Variants in SYT14 observed in about 807,000 individuals in gnomAD.
The protein encoded by SYT14 is synaptotagmin 14, also known as synaptotagmin-14.
In SYT14, 32 loss-of-function variants were observed where a neutral mutation model predicts 74.2. The ratio of observed to expected loss-of-function variants is 0.43; its 90% CI spans 0.33 to 0.58. SYT14 has a LOEUF of 0.58. Among genes scored for constraint, SYT14 ranks in the 20% least tolerant of loss-of-function variants. SYT14 has a pLI of 0.05. For missense variants in SYT14, 791 were observed against 981.8 expected, an observed-to-expected ratio of 0.81 and a Z score of 2.60; for synonymous variants, 298 against 337.7, an observed-to-expected ratio of 0.88 and a Z score of 1.29.
At position 210,163,496 on chromosome 1, in the gene SYT14, T is replaced by C. The variant is rs1278974534; in HGVS notation, c.*2454T>C. The C allele has an allele frequency of 6.6e-6, 3 of 453,758 alleles. No homozygotes were observed. In the Admixed American group the frequency reaches 7.1e-5, roughly 11 times the overall value. The allele number at this position is 453,758 out of a possible 1,614,324, so 28.1% of individuals were successfully genotyped here. A position where few individuals can be genotyped will look rare whatever the true frequency, so the allele number is the denominator to read the frequency against. On this transcript the variant is annotated 3_prime_UTR_variant, in exon 10 of 10. Transcript: ENST00000637265. Reference sequence around the variant, plus strand: ...CCATTACACATACAACATAAATATGTATATGTATATTCATTTGTAAAGGCA... The same window carrying C: ...CCATTACACATACAACATAAATATGCATATGTATATTCATTTGTAAAGGCA...
At chr1:210,100,227 G>A (rs750124127) in exon 7 of SYT14, 12 of 1,613,920 alleles carry the variant, frequency 7.4e-6, no homozygotes, top group Non-Finnish European at 8.5e-6. Flanking sequence ...TAAAGAAACA[G>A]AGAGCAAAAA....
intron 5 of SYT14, among the ~76,000 whole-genome samples, chr1:210,072,633 A>G (rs1031509698): frequency 3.3e-5 from 5 of 152,040 alleles, no homozygotes; most frequent in Admixed American, 2.0e-4. Context: ...ACTGATACAA[A>G]TATAGTATTT....
chr1:210,171,296 A>ACTTT (rs1558239301), exon 10 of SYT14: 1 of 152,214 alleles, frequency 6.6e-6, no homozygotes, highest in African/African-American at 2.4e-5. Context: ...GAAAGAAATT[A>ACTTT]AAGTTGCTGC....
At chr1:209,946,123 G>C (rs747185642) in intron 1 of SYT14, among the ~76,000 whole-genome samples, 11 of 152,164 alleles carry the variant, frequency 7.2e-5, no homozygotes, top group Non-Finnish European at 1.5e-4. Context: ...TGTGTGTTCT[G>C]ATTGTTCCAC....
chr1:210,109,709 A>T (rs1272058854), intron 7 of SYT14, among the ~76,000 whole-genome samples: 1 of 152,192 alleles, frequency 6.6e-6, no homozygotes, highest in Admixed American at 6.5e-5. Context: ...AGACAGTGTG[A>T]TGATTCCTCA....
chr1:209,989,675 G>C (rs529781205), intron 2 of SYT14, among the ~76,000 whole-genome samples: 1 of 152,160 alleles, frequency 6.6e-6, no homozygotes, highest in African/African-American at 2.4e-5. Flanking sequence ...TTACGTAGAA[G>C]TTAAATATAT....
At chr1:210,034,851 A>G (rs2080623979) in intron 5 of SYT14, among the ~76,000 whole-genome samples, 1 of 151,858 alleles carries the variant, frequency 6.6e-6, no homozygotes, top group Admixed American at 6.6e-5. Flanking sequence ...TGTGTAAACC[A>G]CATTTTCTTT....
intron 7 of SYT14, among the ~76,000 whole-genome samples, chr1:210,149,946 G>A (rs923257628): frequency 6.6e-6 from 1 of 152,186 alleles, no homozygotes; most frequent in Non-Finnish European, 1.5e-5. Context: ...TGTAGTTGAC[G>A]TCTGTTTTTT....
At chr1:210,108,552 G>A (rs2082200405) in intron 7 of SYT14, among the ~76,000 whole-genome samples, 1 of 152,068 alleles carries the variant, frequency 6.6e-6, no homozygotes, top group South Asian at 2.1e-4. Context: ...TATTTGGAAA[G>A]TGAGGGTTTA....
chr1:209,938,478 C>T (rs972015027), intron 1 of SYT14, among the ~76,000 whole-genome samples: 3 of 151,834 alleles, frequency 2.0e-5, no homozygotes, highest in African/African-American at 7.2e-5. Flanking sequence ...CCGACTGGCT[C>T]GCTCGCCCCG....
intron 2 of SYT14, among the ~76,000 whole-genome samples, chr1:210,001,836 T>G (rs2079906105): frequency 6.6e-6 from 1 of 152,112 alleles, no homozygotes; most frequent in Non-Finnish European, 1.5e-5. Context: ...AAAAACAACC[T>G]GGCTAATATG....
intron 2 of SYT14, among the ~76,000 whole-genome samples, chr1:209,962,078 A>G (rs1326842238): frequency 6.6e-6 from 1 of 152,082 alleles, no homozygotes; most frequent in Admixed American, 6.5e-5. Flanking sequence ...GAGAAATTCT[A>G]AAAATTATGT....
In SYT14 at chr1:210,038,023, T is replaced by C. The variant is rs551713609; in HGVS notation, c.1312+16769T>C. On this transcript the variant is annotated intron_variant, in intron 5 of 9. Transcript: ENST00000637265. ...TTTTCTCTCTCGATGATCTGTCTCATGCTATCAGTGGGATGTTGCAGTCCC... is the reference window on the plus strand; with the variant it reads ...TTTTCTCTCTCGATGATCTGTCTCACGCTATCAGTGGGATGTTGCAGTCCC... 2.6e-5 allele frequency among the ~76,000 whole-genome samples: 4 copies of C among 152,134 alleles called. No individual in the cohort carries two copies. The East Asian group carries it at 7.7e-4, about 29-fold the overall frequency.
At chr1:209,942,737 C>T (rs553089356) in intron 1 of SYT14, among the ~76,000 whole-genome samples, 7 of 152,140 alleles carry the variant, frequency 4.6e-5, no homozygotes, top group Admixed American at 2.6e-4. Flanking sequence ...TTCCTTCATC[C>T]GGTCCACATT....
chr1:210,000,677 C>T (rs1448576299), intron 2 of SYT14, among the ~76,000 whole-genome samples: 2 of 136,272 alleles, frequency 1.5e-5, no homozygotes, highest in African/African-American at 3.0e-5. Context: ...TGCAGTGGTG[C>T]GATCTCGGCT....
chr1:210,109,088 T>A (rs1292579124), intron 7 of SYT14, among the ~76,000 whole-genome samples: 3 of 151,232 alleles, frequency 2.0e-5, no homozygotes, highest in Non-Finnish European at 4.4e-5. Flanking sequence ...GAAGGTTGAA[T>A]CCAGAATCAA....
At chr1:210,066,296 C>T (rs558249213) in intron 5 of SYT14, among the ~76,000 whole-genome samples, 153 of 151,940 alleles carry the variant, frequency 1.0e-3, no homozygotes, top group African/African-American at 3.2e-3. Context: ...CCTGAGGAAT[C>T]GCCACACTGA....
chr1:210,003,753 C>A (rs757897656), intron 2 of SYT14, among the ~76,000 whole-genome samples: 20 of 152,092 alleles, frequency 1.3e-4, no homozygotes, highest in Non-Finnish European at 2.5e-4. Flanking sequence ...TCTCTTTAAG[C>A]CATTGCATTA....
chr1:209,956,160 T>C (rs1558091233), intron 2 of SYT14, among the ~76,000 whole-genome samples: 1 of 152,166 alleles, frequency 6.6e-6, no homozygotes, highest in East Asian at 1.9e-4. Flanking sequence ...CTTCCCGCTA[T>C]ATTGAAGTAT....
Sources: gnomAD v4.1 joint callset for allele counts (sites outside exome capture counted in the v4.1 genomes callset) on GRCh38, gnomAD v4.1.1 for gene constraint, MANE v1.5 for transcripts, NCBI Gene and HGNC (gene_info 2026-07-23, HGNC 2026-07-21) for gene names.